TRIQK: variants seen among roughly 807,000 people sequenced by gnomAD.
TRIQK encodes triple QxxK/R motif containing.
In TRIQK, 10 loss-of-function variants were observed where a neutral mutation model predicts 10.8. The observed-to-expected ratio is 0.92, with a 90% CI of 0.57 to 1.57. The LOEUF is 1.57. Ranked by LOEUF, TRIQK falls within the 40% of genes most tolerant of loss-of-function variation. TRIQK has a pLI of 0.00. For synonymous variants in TRIQK, 33 were observed against 33.7 expected (o/e 0.98, Z 0.07); for missense variants, 107 against 97.7 (o/e 1.09, Z -0.40).
chr8:92,899,024 ACT>A (rs1808780609), intron 3 of TRIQK, among the ~76,000 whole-genome samples: 1 of 137,882 alleles, frequency 7.3e-6, no homozygotes, highest in African/African-American at 2.7e-5. Flanking sequence ...CTGGAGTCTC[ACT>A]CTGTCATCAG....
chr8:92,898,654 T>G (rs1337926985), intron 3 of TRIQK, among the ~76,000 whole-genome samples: 2 of 151,820 alleles, frequency 1.3e-5, no homozygotes, highest in African/African-American at 4.8e-5. Flanking sequence ...ATTTTTACAT[T>G]AATTTTCATT....
chr8:92,949,906 A>G (rs2130659273), intron 2 of TRIQK, among the ~76,000 whole-genome samples: 1 of 152,142 alleles, frequency 6.6e-6, no homozygotes, highest in Admixed American at 6.5e-5. Context: ...AGAAAGAAAA[A>G]AGAAAAAAAT....
At chr8:92,941,242 T>C (rs929117210) in intron 2 of TRIQK, 2 of 152,048 alleles carry the variant, frequency 1.3e-5, no homozygotes, top group African/African-American at 2.4e-5. Context: ...AATTTTTGTA[T>C]TTTAGTGGAG....
intron 1 of TRIQK, among the ~76,000 whole-genome samples, chr8:93,007,060 C>T (rs1813282314): frequency 6.6e-6 from 1 of 152,176 alleles, no homozygotes; most frequent in Non-Finnish European, 1.5e-5. Context: ...GGTGAGACCC[C>T]CCAAGAGGGG....
chr8:92,981,241 C>T (rs1015649195), intron 1 of TRIQK, among the ~76,000 whole-genome samples: 3 of 151,612 alleles, frequency 2.0e-5, no homozygotes, highest in South Asian at 2.1e-4. Context: ...GGTCTGTTTT[C>T]GGTGGCTTTT....
chr8:92,984,538 CTATT>C (rs1813014492), intron 1 of TRIQK, among the ~76,000 whole-genome samples: 1 of 152,128 alleles, frequency 6.6e-6, no homozygotes, highest in Non-Finnish European at 1.5e-5. Flanking sequence ...CTTAATCTAA[CTATT>C]CATCAAAGGA....
chr8:93,009,431 G>A (rs1383009248), intron 1 of TRIQK, among the ~76,000 whole-genome samples: 1 of 152,074 alleles, frequency 6.6e-6, no homozygotes, highest in Non-Finnish European at 1.5e-5. Flanking sequence ...CCAACATGGT[G>A]AAACCCCATT....
chr8:92,991,188 C>T (rs112698097), intron 1 of TRIQK, among the ~76,000 whole-genome samples: 4 of 152,252 alleles, frequency 2.6e-5, no homozygotes, highest in East Asian at 1.9e-4. Flanking sequence ...CACTGTAGCC[C>T]GACTGCCACT....
rs1816479127 is a variant in TRIQK at position 92,886,410 on chromosome 8, T to C, written c.*212A>G. 1 of 317,610 alleles carries C rather than the reference T, an allele frequency of 3.1e-6. No homozygotes were observed. 19.7% of individuals were successfully genotyped at this position (317,610 alleles called of 1,614,324 possible). The stretch of plus-strand genomic sequence containing the variant: ...TAGGGTGGCTGTCAAAGCAGAAAGA[T>C]ATATAAAAGTATCCAGTAGCACATA... On this transcript the variant is annotated 3_prime_UTR_variant, in exon 5 of 5. Coordinates refer to ENST00000521988, the MANE Select transcript of TRIQK (RefSeq NM_001171797.2).
chr8:92,940,334 TAAAAAAA>T (rs56063230), intron 2 of TRIQK, among the ~76,000 whole-genome samples: 12 of 130,372 alleles, frequency 9.2e-5, no homozygotes, highest in African/African-American at 3.5e-4. Flanking sequence ...ATAGATTTAA[TAAAAAAA>T]AAAAAAAAAA....
chr8:92,980,577 T>C (rs1317310980), intron 1 of TRIQK, among the ~76,000 whole-genome samples: 1 of 152,050 alleles, frequency 6.6e-6, no homozygotes, highest in African/African-American at 2.4e-5. Context: ...GCTGCTTCAG[T>C]TTCTTCTAGG....
chr8:92,967,545 G>T (rs1812799245), upstream of TRIQK, among the ~76,000 whole-genome samples: 1 of 152,078 alleles, frequency 6.6e-6, no homozygotes, highest in Non-Finnish European at 1.5e-5. Context: ...GGTTTGGCCA[G>T]GTGTGGTGGT....
chr8:92,931,216 T>C (rs1810705566), intron 2 of TRIQK, among the ~76,000 whole-genome samples: 2 of 152,208 alleles, frequency 1.3e-5, no homozygotes, highest in African/African-American at 2.4e-5. Context: ...TTAAGTCTTA[T>C]CAAAATCACT....
intron 3 of TRIQK, among the ~76,000 whole-genome samples, chr8:92,910,448 C>T (rs536364859): frequency 1.3e-5 from 2 of 150,284 alleles, no homozygotes; most frequent in African/African-American, 2.4e-5. Flanking sequence ...AAGGTTAGAG[C>T]GGAGATTAGC....
intron 2 of TRIQK, among the ~76,000 whole-genome samples, chr8:92,936,630 G>T (rs189542989): frequency 2.0e-5 from 3 of 151,742 alleles, no homozygotes; most frequent in Non-Finnish European, 4.4e-5. Context: ...CAAAGACATT[G>T]CAGTGAGACA....
chr8:92,998,436 T>G (rs1813174527), intron 1 of TRIQK, among the ~76,000 whole-genome samples: 1 of 151,998 alleles, frequency 6.6e-6, no homozygotes, highest in Admixed American at 6.6e-5. Flanking sequence ...TGAAAGAAAT[T>G]GGAAAATTTC....
intron 2 of TRIQK, among the ~76,000 whole-genome samples, chr8:92,918,981 C>T (rs977802949): frequency 4.6e-5 from 7 of 151,810 alleles, no homozygotes; most frequent in Admixed American, 3.9e-4. Flanking sequence ...AAGAGACAAT[C>T]GTTTCCCACA....
At chr8:92,903,206 T>C (rs1015906739) in intron 3 of TRIQK, among the ~76,000 whole-genome samples, 1 of 152,124 alleles carries the variant, frequency 6.6e-6, no homozygotes, top group East Asian at 1.9e-4. Flanking sequence ...TTTAATGTAA[T>C]GGAAATAAGA....
chr8:93,001,337 T>C (rs1586527883), intron 1 of TRIQK, among the ~76,000 whole-genome samples: 1 of 147,754 alleles, frequency 6.8e-6, no homozygotes, highest in Non-Finnish European at 1.5e-5. Flanking sequence ...ATAGAGAGGC[T>C]ACTAAATGGG....
Sources: allele counts gnomAD v4.1 joint callset (sites outside exome capture counted in the v4.1 genomes callset), GRCh38; gene constraint gnomAD v4.1.1; transcripts MANE v1.5; gene names NCBI Gene and HGNC (gene_info 2026-07-23, HGNC 2026-07-21).